SLC35D1: variants seen among roughly 807,000 people sequenced by gnomAD.
SLC35D1 encodes the protein solute carrier family 35 member D1, also known as nucleotide sugar transporter SLC35D1.
A neutral mutation model predicts 46.7 loss-of-function variants in SLC35D1; 31 were observed. The ratio of observed to expected loss-of-function variants is 0.66; its 90% confidence interval spans 0.50 to 0.90. SLC35D1 has a LOEUF of 0.90. Ranked by LOEUF, SLC35D1 falls within the 40% of genes least tolerant of loss-of-function variation. The probability of loss-of-function intolerance (pLI) is 0.00; values close to 1 mark genes in which losing one functional copy is unlikely to be tolerated. For missense variants in SLC35D1, 397 were observed against 426.2 expected (o/e 0.93, Z 0.60); for synonymous variants, 195 against 164.6 (o/e 1.18, Z -1.41).
intron 10 of SLC35D1, among the ~76,000 whole-genome samples, chr1:67,017,964 G>A (rs1667720496): frequency 6.6e-6 from 1 of 152,022 alleles, no homozygotes; most frequent in South Asian, 2.1e-4. Flanking sequence ...ACTTTATGAA[G>A]TTTTAAAGTG....
the SLC35D1 span, chr1:66,985,814 ATT>A: frequency 0.054 from 33,656 of 617,766 alleles, 249 homozygotes; most frequent in African/African-American, 0.11. Flanking sequence ...GGATTATAAA[ATT>A]TTTTTTTTTT....
At chr1:67,047,031 A>T (rs1156263361) in intron 7 of SLC35D1, among the ~76,000 whole-genome samples, 1 of 152,182 alleles carries the variant, frequency 6.6e-6, no homozygotes, top group Non-Finnish European at 1.5e-5. Flanking sequence ...TCCCTACCCC[A>T]CACGAAGTCA....
At chr1:66,977,172 C>G in the SLC35D1 span, among the ~76,000 whole-genome samples, 1 of 151,646 alleles carries the variant, frequency 6.6e-6, no homozygotes, top group South Asian at 2.1e-4. Context: ...TGCAGTGGTG[C>G]AATCTCAGCT....
intron 10 of SLC35D1, among the ~76,000 whole-genome samples, chr1:67,012,935 A>C (rs1463458564): frequency 6.6e-6 from 1 of 151,968 alleles, no homozygotes; most frequent in East Asian, 1.9e-4. Flanking sequence ...TCCTTAGTTA[A>C]GTCATAACTT....
chr1:67,049,296 A>C (rs1645284069), intron 6 of SLC35D1, among the ~76,000 whole-genome samples: 1 of 151,532 alleles, frequency 6.6e-6, no homozygotes, highest in Admixed American at 6.6e-5. Context: ...TCCGTCTCAA[A>C]AAAAAAAAAA....
chr1:66,984,337 AC>A, the SLC35D1 span, among the ~76,000 whole-genome samples: 1 of 152,138 alleles, frequency 6.6e-6, no homozygotes, highest in Non-Finnish European at 1.5e-5. Flanking sequence ...TTTCACAACA[AC>A]CCTGTGAGGA....
chr1:67,042,109 A>G (rs748701031), intron 8 of SLC35D1, 127 bp downstream of exon 8: 1 of 884,276 alleles, frequency 1.1e-6, no homozygotes, highest in Non-Finnish European at 1.9e-6. Context: ...CAATTTAAAG[A>G]GTAAATGCTC....
intron 8 of SLC35D1, among the ~76,000 whole-genome samples, chr1:67,032,286 AT>A (rs1370784544): frequency 6.6e-6 from 1 of 151,886 alleles, no homozygotes; most frequent in Non-Finnish European, 1.5e-5. Context: ...CTACGCTTTT[AT>A]TTTTTTTAAA....
intron 8 of SLC35D1, among the ~76,000 whole-genome samples, chr1:67,027,069 G>A (rs1018249616): frequency 6.6e-6 from 1 of 152,202 alleles, no homozygotes; most frequent in African/African-American, 2.4e-5. Context: ...TTACTTAACA[G>A]AGTAGAGTTA....
At chr1:66,985,889 G>C in the SLC35D1 span, 8 of 942,510 alleles carry the variant, frequency 8.5e-6, no homozygotes, top group Non-Finnish European at 1.0e-5. Context: ...TAAGCATGAT[G>C]CTTAGATTGC....
the SLC35D1 span, among the ~76,000 whole-genome samples, chr1:66,992,405 G>A: frequency 1.3e-5 from 2 of 152,176 alleles, no homozygotes; most frequent in Non-Finnish European, 2.9e-5. Flanking sequence ...CAGAGCAACC[G>A]GAAGCCTATA....
chr1:66,989,450 A>G, the SLC35D1 span, among the ~76,000 whole-genome samples: 2 of 152,194 alleles, frequency 1.3e-5, no homozygotes, highest in Non-Finnish European at 2.9e-5. Context: ...TTGGATTAAT[A>G]TGAGGAATAT....
At position 67,053,841 on chromosome 1, in the gene SLC35D1, A is replaced by G. The variant is rs888042046; in HGVS notation, c.173T>C (p.Val58Ala). ...ATTGGTGAGCACGCTCTTATTCACC[A>G]CCACGATCAGGAAGGAGCTCACGCC... ...FYGVSSFLIV[V>A]VNKSVLTNYR... Residue 58 changes from valine to alanine, a missense_variant, in exon 1 of 12, where the codon GTG becomes GCG. Transcript: ENST00000235345. 1 of 1,613,102 alleles carries G rather than the reference A, an allele frequency of 6.2e-7. No individual in the cohort carries two copies. Among genetic ancestry groups the G allele is most frequent in the Non-Finnish European group, 8.5e-7 (1 of 1,179,428 alleles).
At chr1:67,005,275 T>C (rs1667423223) in intron 11 of SLC35D1, among the ~76,000 whole-genome samples, 1 of 152,204 alleles carries the variant, frequency 6.6e-6, no homozygotes, top group Non-Finnish European at 1.5e-5. Flanking sequence ...GCCCTGGTTT[T>C]GGCCCTCATC....
At chr1:66,987,186 A>G in the SLC35D1 span, 15 of 152,722 alleles carry the variant, frequency 9.8e-5, no homozygotes, top group Admixed American at 9.2e-4. Flanking sequence ...ATTTAATTGT[A>G]TTTTGTGTTT....
At chr1:66,983,797 G>A in the SLC35D1 span, among the ~76,000 whole-genome samples, 4 of 152,134 alleles carry the variant, frequency 2.6e-5, no homozygotes, top group South Asian at 4.1e-4. Flanking sequence ...GCACAATCTC[G>A]GCTCACTGCA....
At chr1:67,006,478 C>T (rs2102231028) in intron 11 of SLC35D1, among the ~76,000 whole-genome samples, 1 of 152,268 alleles carries the variant, frequency 6.6e-6, no homozygotes, top group Admixed American at 6.5e-5. Context: ...CTTCCTCTAG[C>T]TTCGCCTTCC....
the SLC35D1 span, chr1:66,984,597 A>G: frequency 6.2e-7 from 1 of 1,604,944 alleles, no homozygotes; most frequent in Non-Finnish European, 8.5e-7. Flanking sequence ...GACCAGGTGA[A>G]ATATTAAACA....
At chr1:67,030,140 C>T (rs1290856591) in intron 8 of SLC35D1, among the ~76,000 whole-genome samples, 1 of 152,068 alleles carries the variant, frequency 6.6e-6, no homozygotes, top group Non-Finnish European at 1.5e-5. Flanking sequence ...GATTCAGAAG[C>T]CTGGTGTCTT....
Sources: gnomAD v4.1 joint callset for allele counts (sites outside exome capture counted in the v4.1 genomes callset) on GRCh38, gnomAD v4.1.1 for gene constraint, MANE v1.5 for transcripts, NCBI Gene and HGNC (gene_info 2026-07-23, HGNC 2026-07-21) for gene names.